Variants in SMYD3 observed in about 807,000 individuals in gnomAD.
The protein encoded by SMYD3 is SET and MYND domain containing 3, also known as histone-lysine N-methyltransferase SMYD3.
In SMYD3, 36 loss-of-function variants were observed where a neutral mutation model predicts 57.7. The ratio of observed to expected loss-of-function variants is 0.62; its 90% CI spans 0.48 to 0.82. SMYD3 has a LOEUF of 0.82. Ranked by LOEUF, SMYD3 falls within the 40% of genes least tolerant of loss-of-function variation. The pLI, the probability that SMYD3 is intolerant of heterozygous loss-of-function variation, is 0.00. For missense variants in SMYD3, 515 were observed against 538.8 expected (o/e 0.96, Z 0.44); for synonymous variants, 211 against 195.0 (o/e 1.08, Z -0.68).
At chr1:246,204,550 AC>A (rs1277418310) in intron 5 of SMYD3, among the ~76,000 whole-genome samples, 1 of 146,080 alleles carries the variant, frequency 6.8e-6, no homozygotes, top group Non-Finnish European at 1.5e-5. Context: ...AAAGAATCTT[AC>A]CTTTGTCAAA....
At chr1:245,996,560 G>A (rs532802610) in intron 5 of SMYD3, among the ~76,000 whole-genome samples, 2 of 152,320 alleles carry the variant, frequency 1.3e-5, no homozygotes, top group South Asian at 4.1e-4. Context: ...CCAGAGCCTA[G>A]AAGACTACTA....
At chr1:246,261,913 A>G (rs1167051921) in intron 5 of SMYD3, among the ~76,000 whole-genome samples, 2 of 152,224 alleles carry the variant, frequency 1.3e-5, no homozygotes, top group African/African-American at 2.4e-5. Context: ...AAAAGTTACA[A>G]TAAATCTGTA....
At chr1:246,257,605 T>A (rs1377767852) in intron 5 of SMYD3, among the ~76,000 whole-genome samples, 1 of 152,198 alleles carries the variant, frequency 6.6e-6, no homozygotes, top group African/African-American at 2.4e-5. Flanking sequence ...AGTAGACTGT[T>A]TAGACCATTT....
chr1:246,277,884 C>T (rs962796477), intron 5 of SMYD3, among the ~76,000 whole-genome samples: 2 of 152,056 alleles, frequency 1.3e-5, no homozygotes, highest in Non-Finnish European at 2.9e-5. Context: ...GGATTGATAC[C>T]AAAGGGACAT....
At chr1:246,107,298 A>C (rs1315892871) in intron 5 of SMYD3, among the ~76,000 whole-genome samples, 1 of 152,108 alleles carries the variant, frequency 6.6e-6, no homozygotes, top group African/African-American at 2.4e-5. Context: ...AAAAAAGAAA[A>C]AAAAAAAGAA....
At chr1:246,247,976 A>C (rs1572275356) in intron 5 of SMYD3, among the ~76,000 whole-genome samples, 1 of 152,130 alleles carries the variant, frequency 6.6e-6, no homozygotes, top group Non-Finnish European at 1.5e-5. Flanking sequence ...GCTGTCCCTC[A>C]CCATCAAAAT....
At chr1:246,281,640 A>G (rs1433254892) in intron 5 of SMYD3, among the ~76,000 whole-genome samples, 1 of 152,224 alleles carries the variant, frequency 6.6e-6, no homozygotes, top group East Asian at 1.9e-4. Flanking sequence ...GGCACTCTAA[A>G]AACATCTGCA....
At chr1:245,813,149 G>C (rs1164822759) in intron 10 of SMYD3, among the ~76,000 whole-genome samples, 2 of 151,554 alleles carry the variant, frequency 1.3e-5, no homozygotes, top group Non-Finnish European at 2.9e-5. Context: ...CAAGTAGCTG[G>C]GACTACAGGC....
chr1:246,355,296 C>T lies in SMYD3; in HGVS notation c.165-202G>A. 1.8e-6 allele frequency: 1 copy of T among 548,220 alleles called. No homozygotes were observed. The highest frequency in any genetic ancestry group is 3.4e-5 in the Admixed American group (1 of 29,358). The allele number at this position is 548,220 out of a possible 1,614,324, so 34.0% of individuals were successfully genotyped here. ...TGAGACACTGATAGAAAAACTAAGT[C>T]CTTTTGTCTGACAGAAGATGGCGGG... On this transcript the variant is annotated intron_variant, in intron 1 of 11. Coordinates refer to ENST00000490107, the MANE Select transcript of SMYD3 (RefSeq NM_001167740.2). The surrounding 1 kb of genome is among the most constrained non-coding windows in gnomAD (Gnocchi z 5.0).
chr1:245,798,182 G>C (rs1422641133), intron 10 of SMYD3, among the ~76,000 whole-genome samples: 1 of 151,726 alleles, frequency 6.6e-6, no homozygotes, highest in Non-Finnish European at 1.5e-5. Context: ...TGCTGCAGGC[G>C]AGCTCACTCC....
chr1:246,465,922 C>T (rs2067875117), intron 1 of SMYD3, among the ~76,000 whole-genome samples: 1 of 152,154 alleles, frequency 6.6e-6, no homozygotes, highest in Admixed American at 6.5e-5. Context: ...CAGGCAAGCA[C>T]CACAACACCT....
intron 5 of SMYD3, among the ~76,000 whole-genome samples, chr1:246,206,347 A>G (rs1335461354): frequency 6.6e-6 from 1 of 152,166 alleles, no homozygotes; most frequent in Non-Finnish European, 1.5e-5. Context: ...AGAATGTAAG[A>G]GGAGTTCTGG....
intron 5 of SMYD3, among the ~76,000 whole-genome samples, chr1:246,177,633 G>T (rs1236093617): frequency 1.3e-5 from 2 of 152,148 alleles, no homozygotes; most frequent in African/African-American, 4.8e-5. Flanking sequence ...GTTGAAAGGT[G>T]GGGTCTAAAA....
intron 1 of SMYD3, among the ~76,000 whole-genome samples, chr1:246,503,423 C>A (rs1289733595): frequency 1.3e-5 from 2 of 152,134 alleles, no homozygotes; most frequent in Admixed American, 1.3e-4. Context: ...CTTCAAGTTC[C>A]CCAAAATATT....
intron 1 of SMYD3, among the ~76,000 whole-genome samples, chr1:246,439,903 T>A (rs2067437519): frequency 6.6e-6 from 1 of 152,138 alleles, no homozygotes; most frequent in African/African-American, 2.4e-5. Context: ...TGAGCCATGA[T>A]CGCACCACTG....
At chr1:246,208,433 A>G (rs1053096663) in intron 5 of SMYD3, among the ~76,000 whole-genome samples, 2 of 152,130 alleles carry the variant, frequency 1.3e-5, no homozygotes, top group Non-Finnish European at 2.9e-5. Flanking sequence ...AATATTCTGA[A>G]TAGTTCACTT....
intron 5 of SMYD3, chr1:246,188,959 CAAA>C (rs76022016): frequency 1.4e-4 from 14 of 98,540 alleles, no homozygotes; most frequent in Admixed American, 2.2e-4. Context: ...GACCCTGTCT[CAAA>C]AAAAAAAAAA....
chr1:246,212,763 T>A (rs2063110188), intron 5 of SMYD3, among the ~76,000 whole-genome samples: 1 of 152,144 alleles, frequency 6.6e-6, no homozygotes, highest in Non-Finnish European at 1.5e-5. Context: ...TCCATAAAGA[T>A]CTAATAAATT....
intron 7 of SMYD3, among the ~76,000 whole-genome samples, chr1:245,920,254 A>G (rs542110472): frequency 1.4e-5 from 2 of 143,676 alleles, no homozygotes; most frequent in Non-Finnish European, 3.0e-5. Flanking sequence ...CGGAGCTTGC[A>G]GTGAGACGAG....
Sources: gnomAD v4.1 joint callset for allele counts (sites outside exome capture counted in the v4.1 genomes callset) on GRCh38, gnomAD v4.1.1 for gene constraint, Gnocchi (gnomAD v3.1) non-coding constraint, MANE v1.5 for transcripts, NCBI Gene and HGNC (gene_info 2026-07-23, HGNC 2026-07-21) for gene names.